The following TJP3 variants were observed in gnomAD, a reference collection of about 807,000 sequenced individuals.
TJP3 encodes tight junction protein ZO-3.
A neutral mutation model predicts 104.2 loss-of-function variants in TJP3; 85 were observed. The ratio of observed to expected loss-of-function variants is 0.82; its 90% confidence interval spans 0.68 to 0.98. The LOEUF is 0.98. TJP3 is among the 50% of genes least tolerant of loss of function. TJP3 has a pLI of 0.00. For missense variants in TJP3, 1,367 were observed against 1,322.8 expected (o/e 1.03, Z -0.52); for synonymous variants, 550 against 550.6 (o/e 1.00, Z 0.02).
intron 3 of TJP3, 34 bp from the exon 4 acceptor site, chr19:3,729,994 A>G: frequency 6.3e-7 from 1 of 1,594,820 alleles, no homozygotes; most frequent in Non-Finnish European, 8.6e-7. Flanking sequence ...TCCCCTGCAA[A>G]GCCTCCTCCG....
At chr19:3,713,211 A>G (rs1251123566) in intron 1 of TJP3, among the ~76,000 whole-genome samples, 1 of 152,084 alleles carries the variant, frequency 6.6e-6, no homozygotes, top group African/African-American at 2.4e-5. Flanking sequence ...GGATCTTGGC[A>G]ACCCACAGAC....
chr19:3,714,576 G>A (rs1406697400), intron 1 of TJP3, among the ~76,000 whole-genome samples: 1 of 152,048 alleles, frequency 6.6e-6, no homozygotes, highest in South Asian at 2.1e-4. Context: ...GTCTTTAGGG[G>A]AGACAGACAA....
chr19:3,716,801 A>ATTT lies in TJP3; in HGVS notation c.-10+8254_-10+8256dup, dbSNP rs1215459660. Among the ~76,000 whole-genome samples the ATTT allele has an allele frequency of 7.2e-3, 587 of 81,900 alleles. 18 individuals carry two copies. Among genetic ancestry groups the ATTT allele is most frequent in the African/African-American group, 0.021 (436 of 20,398 alleles). The allele number at this position is 81,900 out of a possible 152,430, so 53.7% of individuals were successfully genotyped here. ...CATACATATATATATATATATATAT[A>ATTT]TTTTTTTTTTTTTTTTGAAACAGAG... On this transcript the variant is annotated intron_variant, in intron 1 of 20. Coordinates refer to ENST00000541714, the MANE Select transcript of TJP3 (RefSeq NM_001267560.2).
chr19:3,739,351 G>A (rs570567387), intron 13 of TJP3, among the ~76,000 whole-genome samples: 1 of 152,170 alleles, frequency 6.6e-6, no homozygotes, highest in African/African-American at 2.4e-5. Flanking sequence ...TTAGCTGGGC[G>A]TGGTGGCACA....
intron 18 of TJP3, among the ~76,000 whole-genome samples, chr19:3,747,168 C>T (rs1302766341): frequency 6.6e-6 from 1 of 151,360 alleles, no homozygotes; most frequent in Non-Finnish European, 1.5e-5. Flanking sequence ...TCAAGTGATT[C>T]TCCTGCCTCA....
At chr19:3,726,425 C>T (rs1300160595) in intron 1 of TJP3, among the ~76,000 whole-genome samples, 3 of 152,058 alleles carry the variant, frequency 2.0e-5, no homozygotes, top group Admixed American at 6.6e-5. Context: ...TGGTGAGACC[C>T]CCGTCTCTAT....
At chr19:3,718,241 G>GTC (rs2036507042) in intron 1 of TJP3, among the ~76,000 whole-genome samples, 1 of 122,970 alleles carries the variant, frequency 8.1e-6, no homozygotes, top group Non-Finnish European at 1.7e-5. Context: ...GTGTGTGTGT[G>GTC]TGTGTGTGTG....
At chr19:3,733,623 T>C (rs777484194) in intron 6 of TJP3, 130 bp from the exon 7 acceptor site, 11 of 1,243,982 alleles carry the variant, frequency 8.8e-6, no homozygotes, top group Non-Finnish European at 1.3e-5. Context: ...AACACTTTCC[T>C]TAGGGAGTGG....
At chr19:3,727,009 C>G (rs2036603679) in intron 1 of TJP3, among the ~76,000 whole-genome samples, 2 of 151,154 alleles carry the variant, frequency 1.3e-5, no homozygotes, top group Non-Finnish European at 3.0e-5. Flanking sequence ...ATCACTTGAG[C>G]CTGGGAGTTC....
rs1294146152 is a variant in TJP3, at chr19:3,730,387, C to T, written c.294C>T (p.Pro98=). ...AACGTCCCCGGAGGATCCACCTGCC[C>T]GCCACCAAAGCCAGCCCCTCCAGCC... ...TVKRPRRIHL[P]ATKASPSSPG... Residue 98 remains proline, a synonymous_variant, in exon 5 of 21, where the codon CCC becomes CCT. Coordinates refer to ENST00000541714, the MANE Select transcript of TJP3 (RefSeq NM_001267560.2). The surrounding 1 kb of genome is among the most constrained non-coding windows in gnomAD (Gnocchi z 7.3). 2.0e-5 allele frequency: 31 copies of T among 1,553,882 alleles called. No individual in the cohort carries two copies. The highest frequency in any genetic ancestry group is 2.0e-4 in the Middle Eastern group (1 of 4,930).
intron 1 of TJP3, among the ~76,000 whole-genome samples, chr19:3,720,793 C>T (rs371344619): frequency 3.3e-5 from 5 of 151,972 alleles, no homozygotes; most frequent in African/African-American, 1.2e-4. Flanking sequence ...AAGAAGGAAA[C>T]GACCTTTACT....
intron 1 of TJP3, among the ~76,000 whole-genome samples, chr19:3,724,427 C>T (rs919899320): frequency 6.6e-6 from 1 of 152,196 alleles, no homozygotes; most frequent in African/African-American, 2.4e-5. Context: ...GATCTCCTGA[C>T]CTTGTGGTCT....
At chr19:3,739,407 T>G (rs1022879857) in intron 13 of TJP3, among the ~76,000 whole-genome samples, 1 of 152,074 alleles carries the variant, frequency 6.6e-6, no homozygotes, top group Non-Finnish European at 1.5e-5. Flanking sequence ...GGAGAATCGC[T>G]TGAACCTGGG....
At chr19:3,724,333 C>T (rs1011511536) in intron 1 of TJP3, among the ~76,000 whole-genome samples, 3 of 151,988 alleles carry the variant, frequency 2.0e-5, no homozygotes, top group Admixed American at 6.6e-5. Context: ...GTAGCTGGGA[C>T]TACAGGCGCC....
At chr19:3,718,753 A>C (rs970499502) in intron 1 of TJP3, among the ~76,000 whole-genome samples, 22 of 151,860 alleles carry the variant, frequency 1.4e-4, no homozygotes, top group African/African-American at 5.1e-4. Context: ...TCCCCTGCAG[A>C]ACCCCTGTCC....
chr19:3,739,614 A>G (rs930848296), intron 13 of TJP3, among the ~76,000 whole-genome samples: 3 of 152,188 alleles, frequency 2.0e-5, no homozygotes, highest in African/African-American at 7.2e-5. Flanking sequence ...TTGTTGCTGT[A>G]ACAGATGCCC....
intron 1 of TJP3, among the ~76,000 whole-genome samples, chr19:3,720,741 A>T (rs1386187133): frequency 6.6e-6 from 1 of 151,820 alleles, no homozygotes; most frequent in Non-Finnish European, 1.5e-5. Context: ...GAATCCCGGA[A>T]TCCCAGGCCC....
At chr19:3,741,029 G>A (rs1241679148) in intron 14 of TJP3, among the ~76,000 whole-genome samples, 3 of 151,934 alleles carry the variant, frequency 2.0e-5, no homozygotes, top group African/African-American at 7.3e-5. Flanking sequence ...TTTAGACAGA[G>A]TCTTGCTCTG....
At chr19:3,729,145 T>C (rs1471662610) in intron 3 of TJP3, among the ~76,000 whole-genome samples, 5 of 152,200 alleles carry the variant, frequency 3.3e-5, no homozygotes, top group African/African-American at 1.2e-4. Flanking sequence ...AGTAGGACAG[T>C]GTCAGAGACT....
Sources: gnomAD v4.1 joint callset for allele counts (sites outside exome capture counted in the v4.1 genomes callset) on GRCh38, gnomAD v4.1.1 for gene constraint, Gnocchi (gnomAD v3.1) non-coding constraint, MANE v1.5 for transcripts, NCBI Gene and HGNC (gene_info 2026-07-23, HGNC 2026-07-21) for gene names.